Variants in LRRC4C observed in about 807,000 individuals in gnomAD.
LRRC4C encodes leucine rich repeat containing 4C.
Under a neutral mutation model 33.6 loss-of-function variants are expected in LRRC4C, and 5 were observed. That is an observed-to-expected ratio of 0.15 (90% CI 0.08 to 0.31). The LOEUF is 0.31. LRRC4C is among the 10% of genes least tolerant of loss of function. The pLI, the probability that LRRC4C is intolerant of heterozygous loss-of-function variation, is 1.00. For synonymous variants in LRRC4C, 329 were observed against 302.0 expected (o/e 1.09, Z -0.93); for missense variants, 560 against 796.7 (o/e 0.70, Z 3.58).
intron 4 of LRRC4C, among the ~76,000 whole-genome samples, chr11:40,242,064 G>C (rs769991924): frequency 2.0e-5 from 3 of 152,130 alleles, no homozygotes; most frequent in Non-Finnish European, 4.4e-5. Context: ...CTCCTGGAAG[G>C]CTCCTTGCCT....
At chr11:40,894,354 C>T (rs925425050) in intron 2 of LRRC4C, among the ~76,000 whole-genome samples, 7 of 152,104 alleles carry the variant, frequency 4.6e-5, no homozygotes, top group South Asian at 4.2e-4. Flanking sequence ...TTCCATTTTT[C>T]CAGTTTCTGA....
chr11:40,443,238 A>G (rs1713468344), intron 3 of LRRC4C, among the ~76,000 whole-genome samples: 1 of 152,164 alleles, frequency 6.6e-6, no homozygotes, highest in African/African-American at 2.4e-5. Context: ...CACCATAGAA[A>G]TTTCCCCTGT....
chr11:40,166,201 A>G (rs181302119), intron 5 of LRRC4C, among the ~76,000 whole-genome samples: 128 of 152,318 alleles, frequency 8.4e-4, no homozygotes, highest in African/African-American at 3.1e-3. Context: ...GAACTAGCCT[A>G]AAACTAGAAG....
At chr11:40,168,097 G>A (rs1375295537) in intron 5 of LRRC4C, among the ~76,000 whole-genome samples, 1 of 151,954 alleles carries the variant, frequency 6.6e-6, no homozygotes, top group African/African-American at 2.4e-5. Context: ...CTATCCCACT[G>A]CTAGTAGGAA....
At chr11:40,325,124 TA>T (rs1946035487) in intron 3 of LRRC4C, among the ~76,000 whole-genome samples, 1 of 152,164 alleles carries the variant, frequency 6.6e-6, no homozygotes, top group Admixed American at 6.5e-5. Flanking sequence ...AATTTGGGCT[TA>T]AACCTGAAGA....
At chr11:40,191,042 ATTAC>A (rs1028958806) in intron 5 of LRRC4C, among the ~76,000 whole-genome samples, 3 of 152,176 alleles carry the variant, frequency 2.0e-5, no homozygotes, top group African/African-American at 7.2e-5. Flanking sequence ...TATTGAATAT[ATTAC>A]TTGAGTACTT....
At chr11:40,398,835 C>A (rs1256741392) in intron 3 of LRRC4C, among the ~76,000 whole-genome samples, 2 of 152,056 alleles carry the variant, frequency 1.3e-5, no homozygotes, top group African/African-American at 4.8e-5. Flanking sequence ...AATAAGCCAT[C>A]TTAACGAATA....
chr11:40,834,907 G>GACACAC lies in LRRC4C; in HGVS notation c.-407+98727_-407+98728insGTGTGT, dbSNP rs778150169. Among the ~76,000 whole-genome samples the GACACAC allele has an allele frequency of 7.2e-3, 326 of 45,242 alleles. 1 individual carries two copies. The highest frequency in any genetic ancestry group is 0.012 in the African/African-American group (241 of 20,328). 29.7% of individuals were successfully genotyped at this position (45,242 alleles called of 152,430 possible). On this transcript the variant is annotated intron_variant, in intron 2 of 6. Coordinates refer to ENST00000528697, the MANE Select transcript of LRRC4C (RefSeq NM_001258419.2). The stretch of plus-strand genomic sequence containing the variant: ...AGGCAGACAGACAGACAGACAGACA[G>GACACAC]ACAGACACACACACACACACACACA...
intron 3 of LRRC4C, among the ~76,000 whole-genome samples, chr11:40,547,792 A>G (rs17408420): frequency 0.094 from 14,246 of 152,148 alleles, 798 homozygotes; most frequent in Middle Eastern, 0.15. Context: ...AATATTATCT[A>G]AATCAAAATT....
intron 2 of LRRC4C, among the ~76,000 whole-genome samples, chr11:40,868,348 G>C (rs1264209672): frequency 6.6e-6 from 1 of 152,100 alleles, no homozygotes; most frequent in African/African-American, 2.4e-5. Context: ...TGACCAAGTT[G>C]GTGGGAGAGA....
At chr11:40,759,012 T>C (rs189007824) in intron 2 of LRRC4C, among the ~76,000 whole-genome samples, 1 of 150,654 alleles carries the variant, frequency 6.6e-6, no homozygotes, top group African/African-American at 2.4e-5. Context: ...TTTTGTCATT[T>C]AAATACATTC....
rs559723912 is a variant in LRRC4C, at chr11:40,499,216, G to A, written c.-270+148926C>T. 1.3e-4 allele frequency among the ~76,000 whole-genome samples: 20 copies of A among 152,234 alleles called. No individual in the cohort carries two copies. The South Asian group carries it at 4.2e-3, about 32-fold the overall frequency. ...AAGCTGAAACTGACAGCTCTTAGGT[G>A]AACAGCATGTCTCGGCTGTGCTGTC... On this transcript the variant is annotated intron_variant, in intron 3 of 6. Transcript: ENST00000528697.
intron 5 of LRRC4C, among the ~76,000 whole-genome samples, chr11:40,160,848 G>C (rs1372078047): frequency 6.6e-6 from 1 of 152,126 alleles, no homozygotes; most frequent in Admixed American, 6.5e-5. Context: ...GTCAGAACTA[G>C]GGGTAGGCAG....
chr11:40,884,459 T>C (rs1248823609), intron 2 of LRRC4C, among the ~76,000 whole-genome samples: 1 of 152,126 alleles, frequency 6.6e-6, no homozygotes, highest in Non-Finnish European at 1.5e-5. Flanking sequence ...AAATGTTATT[T>C]CTGGTTCTAG....
chr11:41,192,504 A>T (rs1424676507), intron 1 of LRRC4C, among the ~76,000 whole-genome samples: 1 of 152,056 alleles, frequency 6.6e-6, no homozygotes, highest in East Asian at 1.9e-4. Flanking sequence ...AGAATGAATC[A>T]GTACCCCTTA....
intron 2 of LRRC4C, among the ~76,000 whole-genome samples, chr11:40,922,262 G>A (rs1201468878): frequency 2.6e-5 from 4 of 152,118 alleles, no homozygotes; most frequent in Non-Finnish European, 5.9e-5. Context: ...CTATTTTCCT[G>A]AAAATGTATT....
intron 2 of LRRC4C, among the ~76,000 whole-genome samples, chr11:40,681,217 T>C (rs1259316394): frequency 6.6e-6 from 1 of 152,164 alleles, no homozygotes; most frequent in African/African-American, 2.4e-5. Flanking sequence ...GACACTGGTC[T>C]CATCAGAACA....
At chr11:40,271,304 A>G (rs1443428303) in intron 4 of LRRC4C, among the ~76,000 whole-genome samples, 1 of 152,156 alleles carries the variant, frequency 6.6e-6, no homozygotes, top group African/African-American at 2.4e-5. Flanking sequence ...ACAACACTGA[A>G]TAGGAGAGAG....
chr11:40,911,576 T>C (rs1488823231), intron 2 of LRRC4C, among the ~76,000 whole-genome samples: 5 of 151,964 alleles, frequency 3.3e-5, no homozygotes, highest in Admixed American at 6.6e-5. Flanking sequence ...CAAATGCAGA[T>C]AAAACCACAA....
Sources: gnomAD v4.1 joint callset for allele counts (sites outside exome capture counted in the v4.1 genomes callset) on GRCh38, gnomAD v4.1.1 for gene constraint, MANE v1.5 for transcripts, NCBI Gene and HGNC (gene_info 2026-07-23, HGNC 2026-07-21) for gene names.